SGCD: variants seen among roughly 807,000 people sequenced by gnomAD.
SGCD encodes the protein sarcoglycan delta, also known as delta-sarcoglycan.
In SGCD, 18 loss-of-function variants were observed where a neutral mutation model predicts 36.6. That is an observed-to-expected ratio of 0.49 (90% CI 0.34 to 0.73). The LOEUF is 0.73. Among genes scored for constraint, SGCD ranks in the 30% least tolerant of loss-of-function variants. SGCD has a pLI of 0.01. For synonymous variants in SGCD, 133 were observed against 130.6 expected (o/e 1.02, Z -0.12); for missense variants, 387 against 346.7 (o/e 1.12, Z -0.92).
chr5:155,966,158 T>A (rs1042345036), intron 1 of SGCD, among the ~76,000 whole-genome samples: 2 of 152,256 alleles, frequency 1.3e-5, no homozygotes, highest in South Asian at 4.1e-4. Context: ...CTTTACACTC[T>A]TGTCAAATCC....
At chr5:155,788,658 G>T in the SGCD span, among the ~76,000 whole-genome samples, 101 of 152,216 alleles carry the variant, frequency 6.6e-4, 1 homozygote, top group South Asian at 4.6e-3. Context: ...ATTTAAATGT[G>T]CAATTAAAGT....
chr5:155,742,621 C>T, the SGCD span, among the ~76,000 whole-genome samples: 2 of 152,200 alleles, frequency 1.3e-5, no homozygotes, highest in Non-Finnish European at 2.9e-5. Context: ...AGATTACCTT[C>T]AGTCACCAAA....
chr5:156,758,847 T>C (rs1244389692), intron 8 of SGCD, among the ~76,000 whole-genome samples: 1 of 152,134 alleles, frequency 6.6e-6, no homozygotes, highest in Non-Finnish European at 1.5e-5. Flanking sequence ...CATACTCTAT[T>C]CTCTTCTTGA....
chr5:155,890,506 G>A (rs559259211), intron 1 of SGCD, among the ~76,000 whole-genome samples: 1 of 152,046 alleles, frequency 6.6e-6, no homozygotes, highest in African/African-American at 2.4e-5. Context: ...CTACTTGGGA[G>A]GCTGAAGGGG....
chr5:155,834,572 T>C, the SGCD span, among the ~76,000 whole-genome samples: 1 of 152,208 alleles, frequency 6.6e-6, no homozygotes, highest in African/African-American at 2.4e-5. Context: ...TGAGAAAAAT[T>C]AGTGTTTGGG....
chr5:156,742,935 A>G, intron 7 of SGCD, among the ~76,000 whole-genome samples: 1 of 152,160 alleles, frequency 6.6e-6, no homozygotes, highest in East Asian at 1.9e-4. Context: ...CTCATCCAGA[A>G]ACACCCTCAC....
chr5:156,254,011 G>A (rs572323620), intron 3 of SGCD, among the ~76,000 whole-genome samples: 1 of 152,082 alleles, frequency 6.6e-6, no homozygotes, highest in Non-Finnish European at 1.5e-5. Context: ...TATATATTTG[G>A]TAAGGCAGAG....
intron 7 of SGCD, among the ~76,000 whole-genome samples, chr5:156,693,193 T>C (rs902530472): frequency 6.6e-6 from 1 of 152,232 alleles, no homozygotes; most frequent in Non-Finnish European, 1.5e-5. Context: ...ATTTTACTTT[T>C]TCTACTCAAG....
chr5:156,172,270 C>G (rs750551353), intron 3 of SGCD, among the ~76,000 whole-genome samples: 2 of 152,066 alleles, frequency 1.3e-5, no homozygotes, highest in African/African-American at 2.4e-5. Flanking sequence ...TCGAAAAGAG[C>G]AAAACTCCAT....
chr5:156,072,420 G>A (rs1438020199), intron 1 of SGCD, among the ~76,000 whole-genome samples: 2 of 151,990 alleles, frequency 1.3e-5, no homozygotes. Context: ...GAAATTCTGG[G>A]TTGAAAATTC....
intron 3 of SGCD, among the ~76,000 whole-genome samples, chr5:156,209,360 G>T (rs1168854376): frequency 6.6e-6 from 1 of 152,154 alleles, no homozygotes; most frequent in Non-Finnish European, 1.5e-5. Flanking sequence ...AGCTATTATG[G>T]ATACAGGCTT....
At chr5:156,245,765 A>T (rs1227304302) in intron 3 of SGCD, among the ~76,000 whole-genome samples, 1 of 151,876 alleles carries the variant, frequency 6.6e-6, no homozygotes, top group Non-Finnish European at 1.5e-5. Flanking sequence ...CAAATAACTT[A>T]AAAAAAATAG....
chr5:156,099,272 T>A (rs1761461098), intron 1 of SGCD, among the ~76,000 whole-genome samples: 2 of 152,222 alleles, frequency 1.3e-5, no homozygotes, highest in Non-Finnish European at 2.9e-5. Flanking sequence ...ATCTATGCCA[T>A]CTTATCCTGA....
At chr5:155,973,111 A>C (rs2127560244) in intron 1 of SGCD, among the ~76,000 whole-genome samples, 1 of 152,260 alleles carries the variant, frequency 6.6e-6, no homozygotes, top group Admixed American at 6.5e-5. Context: ...AGAATGTCCG[A>C]AAAAGTCTGA....
At chr5:155,953,533 G>A (rs960256184) in intron 1 of SGCD, among the ~76,000 whole-genome samples, 3 of 152,136 alleles carry the variant, frequency 2.0e-5, no homozygotes, top group African/African-American at 7.2e-5. Context: ...GTGCCTGCAA[G>A]CTCCATGAGG....
chr5:156,157,500 C>G (rs1762991590), intron 3 of SGCD, among the ~76,000 whole-genome samples: 1 of 151,774 alleles, frequency 6.6e-6, no homozygotes, highest in African/African-American at 2.4e-5. Flanking sequence ...AAACCTCCAT[C>G]TCTCACTATT....
At chr5:156,704,278 G>T (rs1754651974) in intron 7 of SGCD, 1 of 152,116 alleles carries the variant, frequency 6.6e-6, no homozygotes, top group Admixed American at 6.6e-5. Context: ...ATTCATCTCT[G>T]AAAGAAAGAG....
intron 1 of SGCD, among the ~76,000 whole-genome samples, chr5:155,876,546 G>A (rs376875247): frequency 9.9e-5 from 15 of 151,928 alleles, no homozygotes; most frequent in Non-Finnish European, 1.5e-4. Flanking sequence ...AATGCACTTC[G>A]TAGGCCAAAC....
At chr5:156,303,071 A>T (rs1353871382) in intron 3 of SGCD, among the ~76,000 whole-genome samples, 2 of 152,136 alleles carry the variant, frequency 1.3e-5, no homozygotes, top group Non-Finnish European at 2.9e-5. Context: ...AGCTGCCCCA[A>T]CCCTCCAGCC....
Sources: allele counts gnomAD v4.1 joint callset (sites outside exome capture counted in the v4.1 genomes callset), GRCh38; gene constraint gnomAD v4.1.1; transcripts MANE v1.5; gene names NCBI Gene and HGNC (gene_info 2026-07-23, HGNC 2026-07-21).